Variants in BRSK2 observed in about 807,000 individuals in gnomAD.
The protein encoded by BRSK2 is BR serine/threonine kinase 2, also known as serine/threonine-protein kinase BRSK2.
A neutral mutation model predicts 83.3 loss-of-function variants in BRSK2; 19 were observed. That is an observed-to-expected ratio of 0.23 (90% CI 0.16 to 0.33). The LOEUF is 0.33. Ranked by LOEUF, BRSK2 falls within the 10% of genes least tolerant of loss-of-function variation. The pLI is 1.00. For synonymous variants in BRSK2, 519 were observed against 435.4 expected, an observed-to-expected ratio of 1.19 and a Z score of -2.39; for missense variants, 798 against 1,042.3, an observed-to-expected ratio of 0.77 and a Z score of 3.23.
intron 18 of BRSK2, 32 bp downstream of exon 18, chr11:1,456,719 G>A (rs772161490): frequency 1.3e-6 from 2 of 1,560,666 alleles, no homozygotes; most frequent in South Asian, 2.3e-5. Context: ...CCAACCTGCG[G>A]CCTGCGAGTG....
At chr11:1,405,316 T>A (rs1454445155) in intron 1 of BRSK2, among the ~76,000 whole-genome samples, 2 of 152,090 alleles carry the variant, frequency 1.3e-5, no homozygotes, top group Non-Finnish European at 2.9e-5. Context: ...GGTGTGTGCG[T>A]CTGTGTATGT....
intron 19 of BRSK2, 179 bp downstream of exon 19, chr11:1,459,418 C>G: frequency 1.5e-6 from 1 of 671,236 alleles, no homozygotes; most frequent in Admixed American, 2.4e-5. Flanking sequence ...GGTCGCTCCC[C>G]TACCACAGCA....
rs779437637 is a variant in BRSK2, at chr11:1,451,358, C to A, written c.1496-13C>A. ...TCACCACGCCTTTCCTCCTGTTCATCCTGTGTGCACAGTTCCGACGCCGGA... is the reference window on the plus strand; with the variant it reads ...TCACCACGCCTTTCCTCCTGTTCATACTGTGTGCACAGTTCCGACGCCGGA... On this transcript the variant is annotated splice_polypyrimidine_tract_variant and intron_variant, in intron 14 of 19. Transcript: ENST00000528841. The A allele has an allele frequency of 6.2e-7, 1 of 1,612,804 alleles. No homozygotes were observed. Among genetic ancestry groups the A allele is most frequent in the African/African-American group, 1.3e-5 (1 of 74,942 alleles).
Position 1,438,018 on chromosome 11 carries a change from C to T in BRSK2, c.187-288C>T, listed in dbSNP as rs988661525. On this transcript the variant is annotated intron_variant, in intron 2 of 19. Coordinates refer to ENST00000528841, the MANE Select transcript of BRSK2 (RefSeq NM_001256627.2). The surrounding 1 kb of genome is among the most constrained non-coding windows in gnomAD (Gnocchi z 6.4). ...GCCAGGGCCCCAGCTGAGCAGCCCACGTCCCTGCATCCCCCACAGCTGGCA... is the reference window on the plus strand; with the variant it reads ...GCCAGGGCCCCAGCTGAGCAGCCCATGTCCCTGCATCCCCCACAGCTGGCA... Among the ~76,000 whole-genome samples, 1 of 152,108 alleles carries T rather than the reference C, an allele frequency of 6.6e-6. No homozygotes were observed. The highest frequency in any genetic ancestry group is 1.5e-5 in the Non-Finnish European group (1 of 68,006).
chr11:1,413,697 G>A (rs751553202), intron 1 of BRSK2, among the ~76,000 whole-genome samples: 9 of 152,202 alleles, frequency 5.9e-5, no homozygotes, highest in Non-Finnish European at 8.8e-5. Context: ...GGTCCATGGC[G>A]GGGCCTGGGC....
intron 1 of BRSK2, among the ~76,000 whole-genome samples, chr11:1,434,963 C>G (rs1564836967): frequency 6.6e-6 from 1 of 151,650 alleles, no homozygotes; most frequent in Non-Finnish European, 1.5e-5. Context: ...AAGTATCTGG[C>G]TGTGAAAAGA....
chr11:1,456,733 C>T (rs770989918), intron 18 of BRSK2, 46 bp downstream of exon 18: 24 of 1,542,832 alleles, frequency 1.6e-5, no homozygotes, highest in Admixed American at 7.7e-5. Context: ...GCGAGTGGGG[C>T]GTGGCCAGCT....
intron 1 of BRSK2, among the ~76,000 whole-genome samples, chr11:1,413,093 G>C (rs905720953): frequency 6.6e-6 from 1 of 152,094 alleles, no homozygotes; most frequent in Non-Finnish European, 1.5e-5. Context: ...GGCTGGGCAG[G>C]GACTGGGGTG....
At chr11:1,450,845 T>C in intron 14 of BRSK2, 51 bp downstream of exon 14, 3 of 1,508,806 alleles carry the variant, frequency 2.0e-6, no homozygotes, top group African/African-American at 1.4e-5. Context: ...GAGCAGAGGC[T>C]GCCTTGGGGA....
At chr11:1,410,909 G>A (rs1847407877) in intron 1 of BRSK2, 11 of 987,726 alleles carry the variant, frequency 1.1e-5, no homozygotes, top group South Asian at 9.4e-5. Flanking sequence ...TGCAGAAGGT[G>A]GGTGTTCCCC....
intron 12 of BRSK2, among the ~76,000 whole-genome samples, chr11:1,448,062 C>G (rs577068567): frequency 2.6e-5 from 4 of 152,264 alleles, no homozygotes; most frequent in Non-Finnish European, 5.9e-5. Context: ...GAGGCGTGGC[C>G]CACGCCTGCC....
intron 1 of BRSK2, among the ~76,000 whole-genome samples, chr11:1,419,485 T>G (rs191016180): frequency 6.6e-6 from 1 of 152,382 alleles, no homozygotes; most frequent in East Asian, 1.9e-4. Context: ...AAATAGTTTC[T>G]TATTCTAGCA....
intron 14 of BRSK2, among the ~76,000 whole-genome samples, chr11:1,451,160 G>A (rs553398018): frequency 6.6e-6 from 1 of 152,350 alleles, no homozygotes; most frequent in African/African-American, 2.4e-5. Flanking sequence ...CAGCACCAGA[G>A]GCGGGGACAG....
intron 3 of BRSK2, among the ~76,000 whole-genome samples, chr11:1,439,290 G>A (rs1393849574): frequency 3.3e-5 from 5 of 152,218 alleles, no homozygotes; most frequent in East Asian, 1.9e-4. Context: ...CTGCATTCTC[G>A]TGGGGAGCAT....
At position 1,461,444 on chromosome 11, in the gene BRSK2, G is replaced by C. The variant is rs982230966; in HGVS notation, c.*721G>C. 9.6e-5 allele frequency: 22 copies of C among 228,560 alleles called. No individual in the cohort carries two copies. Among genetic ancestry groups the C allele is most frequent in the African/African-American group, 5.2e-4 (22 of 42,046 alleles). The allele number at this position is 228,560 out of a possible 1,614,324, so 14.2% of individuals were successfully genotyped here. A position where few individuals can be genotyped will look rare whatever the true frequency, so the allele number is the denominator to read the frequency against. On this transcript the variant is annotated 3_prime_UTR_variant, in exon 20 of 20. Coordinates refer to ENST00000528841, the MANE Select transcript of BRSK2 (RefSeq NM_001256627.2). ...CCTTGCCTCATCTGGGGCGGCTGTG[G>C]GCTCTGGCGCTCCTCTCTGGCTGAG...
In BRSK2 at chr11:1,440,979, G is replaced by T. The variant is rs770390548; in HGVS notation, c.413+51G>T. ...CACTCCCCAGGGACCCCCACACCCA[G>T]TGCGCTACCACAGATGCCCCCTGTG... is the stretch of plus-strand genomic sequence containing the variant. On this transcript the variant is annotated intron_variant, in intron 4 of 19. Coordinates refer to ENST00000528841, the MANE Select transcript of BRSK2 (RefSeq NM_001256627.2). 3 of 1,507,466 alleles carry T rather than the reference G, an allele frequency of 2.0e-6. No individual in the cohort carries two copies. The Admixed American group carries it at 6.0e-5, about 30-fold the overall frequency. The allele number at this position is 1,507,466 out of a possible 1,614,324, so 93.4% of individuals were successfully genotyped here.
At chr11:1,410,766 C>A in intron 1 of BRSK2, 1 of 985,392 alleles carries the variant, frequency 1.0e-6, no homozygotes, top group Non-Finnish European at 1.2e-6. Flanking sequence ...TGGGGGACAC[C>A]CCTTCTGGTT....
intron 1 of BRSK2, among the ~76,000 whole-genome samples, chr11:1,435,254 G>GGTCTCAGCGGAGGAGGGGTGCCGGTGGA (rs1850137485): frequency 4.2e-5 from 2 of 48,152 alleles, no homozygotes; most frequent in Non-Finnish European, 8.3e-5. Flanking sequence ...GTGCCGGTGG[G>GGTCTCAGCGGAGGAGGGGTGCCGGTGGA]GGTCTCGGCG....
rs1377181070 is a variant in BRSK2, at chr11:1,401,190, A to C, written c.91+10815A>C. Among the ~76,000 whole-genome samples the C allele has an allele frequency of 2.6e-5, 4 of 152,328 alleles. No homozygotes were observed. In the East Asian group the frequency reaches 7.7e-4, roughly 29 times the overall value. The stretch of plus-strand genomic sequence containing the variant: ...CAGGCCTCTAGGCTCCCGTCTTCAC[A>C]GAGTTCTCCTGCTGAGGCACCTGGC... On this transcript the variant is annotated intron_variant, in intron 1 of 19. Coordinates refer to ENST00000528841, the MANE Select transcript of BRSK2 (RefSeq NM_001256627.2).
Sources: gnomAD v4.1 joint callset for allele counts (sites outside exome capture counted in the v4.1 genomes callset) on GRCh38, gnomAD v4.1.1 for gene constraint, Gnocchi (gnomAD v3.1) non-coding constraint, MANE v1.5 for transcripts, NCBI Gene and HGNC (gene_info 2026-07-23, HGNC 2026-07-21) for gene names.